NRXN3: variants seen among roughly 807,000 people sequenced by gnomAD.
The protein encoded by NRXN3 is neurexin 3.
Under a neutral mutation model 137.6 loss-of-function variants are expected in NRXN3, and 32 were observed. The observed-to-expected ratio is 0.23, with a 90% confidence interval of 0.18 to 0.31. The LOEUF is 0.31. NRXN3 is among the 10% of genes least tolerant of loss of function. The pLI is 1.00. For synonymous variants in NRXN3, 798 were observed against 784.5 expected (o/e 1.02, Z -0.29); for missense variants, 1,574 against 2,062.5 (o/e 0.76, Z 4.59).
chr14:78,629,439 G>T (rs1448812230), intron 4 of NRXN3, among the ~76,000 whole-genome samples: 2 of 152,196 alleles, frequency 1.3e-5, no homozygotes, highest in African/African-American at 4.8e-5. Flanking sequence ...GAGTTAGGAG[G>T]GTAGCATGGA....
chr14:78,689,993 C>T (rs957388515), intron 6 of NRXN3, among the ~76,000 whole-genome samples: 2 of 152,086 alleles, frequency 1.3e-5, no homozygotes, highest in African/African-American at 4.8e-5. Flanking sequence ...TAACTAGTTA[C>T]CCTAGAGACC....
intron 15 of NRXN3, among the ~76,000 whole-genome samples, chr14:79,403,357 A>G (rs2095249166): frequency 6.6e-6 from 1 of 152,170 alleles, no homozygotes; most frequent in Non-Finnish European, 1.5e-5. Context: ...TATTGGGAGT[A>G]GGGTAGGGTA....
At chr14:78,827,821 A>G (rs1024177563) in intron 10 of NRXN3, among the ~76,000 whole-genome samples, 1 of 152,242 alleles carries the variant, frequency 6.6e-6, no homozygotes, top group African/African-American at 2.4e-5. Flanking sequence ...CCTTTGGGGA[A>G]CTGAGCTAGA....
At chr14:78,944,751 T>A (rs1178390430) in intron 10 of NRXN3, among the ~76,000 whole-genome samples, 4 of 152,186 alleles carry the variant, frequency 2.6e-5, no homozygotes, top group Admixed American at 2.0e-4. Context: ...TCACCAGAAC[T>A]GAAAGATAAC....
At chr14:79,548,378 T>A (rs960357115) in intron 16 of NRXN3, among the ~76,000 whole-genome samples, 2 of 152,228 alleles carry the variant, frequency 1.3e-5, no homozygotes, top group African/African-American at 4.8e-5. Flanking sequence ...TCATTCTTTT[T>A]TATGGCTGCA....
intron 8 of NRXN3, among the ~76,000 whole-genome samples, chr14:78,784,912 A>G (rs987965047): frequency 6.6e-6 from 1 of 152,078 alleles, no homozygotes; most frequent in African/African-American, 2.4e-5. Context: ...AGGAGCCAAG[A>G]GTGTATTCTA....
intron 15 of NRXN3, among the ~76,000 whole-genome samples, chr14:79,276,968 C>T (rs1235262179): frequency 6.6e-6 from 1 of 152,072 alleles, no homozygotes; most frequent in Non-Finnish European, 1.5e-5. Flanking sequence ...AAGACTCAGC[C>T]CTCAGAGAGC....
intron 10 of NRXN3, among the ~76,000 whole-genome samples, chr14:78,913,651 C>G (rs957898778): frequency 6.6e-6 from 1 of 152,058 alleles, no homozygotes; most frequent in African/African-American, 2.4e-5. Flanking sequence ...TGTTCATATT[C>G]GTTGGCATGG....
intron 15 of NRXN3, among the ~76,000 whole-genome samples, chr14:79,384,970 T>G (rs1422861913): frequency 6.6e-6 from 1 of 152,200 alleles, no homozygotes; most frequent in East Asian, 1.9e-4. Flanking sequence ...GGTTCTCACT[T>G]TTTTCTAGAA....
At chr14:78,643,292 C>A (rs1384686637) in intron 4 of NRXN3, among the ~76,000 whole-genome samples, 1 of 152,136 alleles carries the variant, frequency 6.6e-6, no homozygotes, top group Non-Finnish European at 1.5e-5. Flanking sequence ...GAGTGTAGTT[C>A]CGGCAGGGAA....
chr14:78,833,313 A>G (rs970276493), intron 10 of NRXN3, among the ~76,000 whole-genome samples: 2 of 152,082 alleles, frequency 1.3e-5, no homozygotes, highest in Admixed American at 1.3e-4. Flanking sequence ...TGGTTTTGTG[A>G]GCCCATAAAT....
At chr14:78,845,021 T>G (rs2099022634) in intron 10 of NRXN3, among the ~76,000 whole-genome samples, 1 of 152,044 alleles carries the variant, frequency 6.6e-6, no homozygotes. Context: ...TGAGTTTTAG[T>G]TTGAGTAACA....
intron 16 of NRXN3, among the ~76,000 whole-genome samples, chr14:79,514,538 A>G (rs1040236530): frequency 2.0e-5 from 3 of 152,206 alleles, no homozygotes; most frequent in African/African-American, 7.2e-5. Context: ...TCTTCATGGT[A>G]GTAACCCTTA....
intron 15 of NRXN3, among the ~76,000 whole-genome samples, chr14:79,242,143 A>G (rs1268578853): frequency 6.6e-6 from 1 of 152,164 alleles, no homozygotes; most frequent in Non-Finnish European, 1.5e-5. Flanking sequence ...ATCAGATGAG[A>G]AAAACAAGAC....
intron 1 of NRXN3, among the ~76,000 whole-genome samples, chr14:78,189,135 T>C (rs1387789896): frequency 6.6e-6 from 1 of 152,070 alleles, no homozygotes; most frequent in Non-Finnish European, 1.5e-5. Context: ...ACATCCAATC[T>C]ACCAGCGAAT....
intron 15 of NRXN3, among the ~76,000 whole-genome samples, chr14:79,001,881 G>C (rs2099542054): frequency 6.6e-6 from 1 of 152,208 alleles, no homozygotes; most frequent in African/African-American, 2.4e-5. Context: ...GCAAAGCAGA[G>C]TATTGGGCCT....
At chr14:79,515,603 C>A (rs1174375413) in intron 16 of NRXN3, among the ~76,000 whole-genome samples, 1 of 141,606 alleles carries the variant, frequency 7.1e-6, no homozygotes, top group Non-Finnish European at 1.5e-5. Flanking sequence ...GCCTTGTTTT[C>A]ATTTCTCCTC....
intron 19 of NRXN3, among the ~76,000 whole-genome samples, chr14:79,779,345 T>A (rs2099106862): frequency 6.6e-6 from 1 of 152,144 alleles, no homozygotes; most frequent in Non-Finnish European, 1.5e-5. Flanking sequence ...ACTCCCGACC[T>A]CAGGTGATCC....
chr14:78,822,710 CAA>C (rs57192355), intron 10 of NRXN3, among the ~76,000 whole-genome samples: 4,670 of 122,542 alleles, frequency 0.038, 139 homozygotes, highest in South Asian at 0.13. Flanking sequence ...CAAAAACAAA[CAA>C]AAAAAAAAAA....
Sources: gnomAD v4.1 joint callset for allele counts (sites outside exome capture counted in the v4.1 genomes callset) on GRCh38, gnomAD v4.1.1 for gene constraint, MANE v1.5 for transcripts, NCBI Gene and HGNC (gene_info 2026-07-23, HGNC 2026-07-21) for gene names.